The following SLC25A27 variants were observed in gnomAD, a reference collection of about 807,000 sequenced individuals.
SLC25A27 encodes solute carrier family 25 member 27.
Under a neutral mutation model 49.1 loss-of-function variants are expected in SLC25A27, and 35 were observed. The observed-to-expected ratio is 0.71, with a 90% CI of 0.54 to 0.95. The LOEUF is 0.95. Ranked by LOEUF, SLC25A27 falls within the 40% of genes least tolerant of loss-of-function variation. The probability of loss-of-function intolerance (pLI) is 0.00; values close to 1 mark genes in which losing one functional copy is unlikely to be tolerated. For missense variants in SLC25A27, 339 were observed against 397.1 expected (o/e 0.85, Z 1.24); for synonymous variants, 144 against 136.9 (o/e 1.05, Z -0.36).
intron 7 of SLC25A27, chr6:46,670,473 A>G: frequency 2.4e-6 from 1 of 415,882 alleles, no homozygotes; most frequent in Non-Finnish European, 4.2e-6. Context: ...TTGTTTTTAA[A>G]GAATTGTTAA....
intron 1 of SLC25A27, among the ~76,000 whole-genome samples, chr6:46,655,535 G>GGTTTTTTT (rs1562033662): frequency 5.6e-4 from 6 of 10,710 alleles, no homozygotes; most frequent in Admixed American, 1.3e-3. Flanking sequence ...GTTAATGTTT[G>GGTTTTTTT]TTTTTTTTTT....
At chr6:46,664,501 T>A (rs551824553) in intron 4 of SLC25A27, among the ~76,000 whole-genome samples, 18 of 152,224 alleles carry the variant, frequency 1.2e-4, no homozygotes, top group Non-Finnish European at 2.4e-4. Context: ...AAAGGTATTT[T>A]TATCCATTTA....
intron 3 of SLC25A27, 62 bp from the exon 4 acceptor site, chr6:46,662,314 G>T: frequency 6.8e-7 from 1 of 1,469,064 alleles, no homozygotes; most frequent in Non-Finnish European, 9.5e-7. Flanking sequence ...GCTCAGTATT[G>T]GTTCACTATA....
rs1470143422 is a variant in SLC25A27, at chr6:46,667,827, C to G, written c.620-882C>G. Among the ~76,000 whole-genome samples, 3 of 152,138 alleles carry G rather than the reference C, an allele frequency of 2.0e-5. No homozygotes were observed. In the East Asian group the frequency reaches 5.8e-4, roughly 29 times the overall value. ...TCAAGAGCAAGTGCATCTGAAACACCATGTAGTTTACTTTATTGTCTCATC... is the reference window on the plus strand; with the variant it reads ...TCAAGAGCAAGTGCATCTGAAACACGATGTAGTTTACTTTATTGTCTCATC... On this transcript the variant is annotated intron_variant, in intron 5 of 8. Transcript: ENST00000371347.
In SLC25A27 at chr6:46,676,726, T is replaced by C. The variant is rs1365159120; in HGVS notation, c.*272T>C. 6.5e-7 allele frequency: 1 copy of C among 1,534,460 alleles called. No individual in the cohort carries two copies. Among genetic ancestry groups the C allele is most frequent in the South Asian group, 1.2e-5 (1 of 83,698 alleles). Reference sequence around the variant, plus strand: ...AAAGAAGAATCGAAGCCTGACCACTTTCACCTTGGGCAAGAAGGTTTGGCC... The same window carrying C: ...AAAGAAGAATCGAAGCCTGACCACTCTCACCTTGGGCAAGAAGGTTTGGCC... On this transcript the variant is annotated 3_prime_UTR_variant, in exon 9 of 9. Transcript: ENST00000371347.
intron 6 of SLC25A27, among the ~76,000 whole-genome samples, chr6:46,669,478 G>T (rs185642976): frequency 6.6e-6 from 1 of 152,052 alleles, no homozygotes; most frequent in African/African-American, 2.4e-5. Flanking sequence ...GCTTCTGATC[G>T]TTTCCAAATT....
chr6:46,674,320 T>C (rs1763678361), intron 8 of SLC25A27, among the ~76,000 whole-genome samples: 1 of 152,124 alleles, frequency 6.6e-6, no homozygotes, highest in Non-Finnish European at 1.5e-5. Flanking sequence ...GCTCAGAGTA[T>C]AAGAAGCTTG....
intron 1 of SLC25A27, 93 bp from the exon 2 acceptor site, chr6:46,655,750 C>T (rs1487429634): frequency 1.9e-6 from 2 of 1,048,490 alleles, no homozygotes; most frequent in African/African-American, 1.6e-5. Context: ...TTGAGAACAA[C>T]CAGTCTTGGG....
chr6:46,674,480 C>T (rs1229995711), intron 8 of SLC25A27, among the ~76,000 whole-genome samples: 3 of 152,124 alleles, frequency 2.0e-5, no homozygotes, highest in African/African-American at 7.2e-5. Context: ...AAGAGACATT[C>T]CTAGCAGTGG....
At position 46,653,081 on chromosome 6, in the gene SLC25A27, AC is replaced by A; in HGVS notation, c.-109del. 1 of 1,001,976 alleles carries A rather than the reference AC, an allele frequency of 1.0e-6. No individual in the cohort carries two copies. The highest frequency in any genetic ancestry group is 1.5e-6 in the Non-Finnish European group (1 of 659,812). 62.1% of individuals were successfully genotyped at this position (1,001,976 alleles called of 1,614,324 possible). ...GAGCCGAACGAGGGAAATGGTCCTCACCCGGCCACTCGCCGGTTGAAAAGGG... is the reference window on the plus strand; with the variant it reads ...GAGCCGAACGAGGGAAATGGTCCTCACCGGCCACTCGCCGGTTGAAAAGGG... On this transcript the variant is annotated 5_prime_UTR_variant, in exon 1 of 9. The change abolishes the stop of an existing upstream ORF in the 5' untranslated region. Coordinates refer to ENST00000371347, the MANE Select transcript of SLC25A27 (RefSeq NM_004277.5).
Position 46,654,131 on chromosome 6 carries a change from G to T in SLC25A27, c.106+833G>T, listed in dbSNP as rs144626027. On this transcript the variant is annotated intron_variant, in intron 1 of 8. Coordinates refer to ENST00000371347, the MANE Select transcript of SLC25A27 (RefSeq NM_004277.5). ...AATGAGCAAGTAGCGTTTATTCCAA[G>T]GATTTTGTGAGTAGTATACTCATGT... 3.0e-6 allele frequency: 3 copies of T among 985,248 alleles called. No homozygotes were observed. The East Asian group carries it at 3.4e-4, about 112-fold the overall frequency. 61.0% of individuals were successfully genotyped at this position (985,248 alleles called of 1,614,324 possible). A position where few individuals can be genotyped will look rare whatever the true frequency, so the allele number is the denominator to read the frequency against.
chr6:46,673,841 C>G (rs910687900), intron 8 of SLC25A27, among the ~76,000 whole-genome samples: 1 of 152,024 alleles, frequency 6.6e-6, no homozygotes, highest in African/African-American at 2.4e-5. Context: ...CTTTGGAAGT[C>G]GTATAGTAGA....
intron 8 of SLC25A27, 137 bp downstream of exon 8, chr6:46,671,365 ATCT>A (rs765546846): frequency 2.1e-5 from 10 of 484,536 alleles, no homozygotes; most frequent in Admixed American, 8.7e-5. Flanking sequence ...TCTTTTTTAA[ATCT>A]TCTTTTATTT....
At chr6:46,658,812 C>A in intron 2 of SLC25A27, 150 bp from the exon 3 acceptor site, 1 of 659,600 alleles carries the variant, frequency 1.5e-6, no homozygotes. Flanking sequence ...CATCAAGAAG[C>A]CCACGTGTTA....
chr6:46,657,460 T>C (rs1763023213), intron 2 of SLC25A27, among the ~76,000 whole-genome samples: 1 of 151,894 alleles, frequency 6.6e-6, no homozygotes, highest in South Asian at 2.1e-4. Context: ...CGAAACTCTG[T>C]CTCAAAAAAA....
rs773680687 is a variant in SLC25A27, at chr6:46,653,203, C to G, written c.11C>G (p.Pro4Arg). MSV[P>R]EEEERLLPLT... ...TTGCGCTACTGCTGAATGTCCGTCCCGGAGGAGGAGGAGAGGCTTTTGCCG... is the reference window on the plus strand; with the variant it reads ...TTGCGCTACTGCTGAATGTCCGTCCGGGAGGAGGAGGAGAGGCTTTTGCCG... Residue 4 changes from proline to arginine, a missense_variant, in exon 1 of 9, where the codon CCG becomes CGG. Pro to Arg is a moderately radical substitution (Grantham distance 103, BLOSUM62 -2). Coordinates refer to ENST00000371347, the MANE Select transcript of SLC25A27 (RefSeq NM_004277.5). 1.9e-6 allele frequency: 3 copies of G among 1,613,196 alleles called. No homozygotes were observed. The highest frequency in any genetic ancestry group is 1.7e-6 in the Non-Finnish European group (2 of 1,179,542).
At chr6:46,672,822 G>A (rs778784782) in intron 8 of SLC25A27, among the ~76,000 whole-genome samples, 1 of 152,184 alleles carries the variant, frequency 6.6e-6, no homozygotes, top group Non-Finnish European at 1.5e-5. Flanking sequence ...TGGAGGTTTA[G>A]ATTTGAGCAT....
At chr6:46,658,907 A>G in intron 2 of SLC25A27, 55 bp from the exon 3 acceptor site, 1 of 1,141,698 alleles carries the variant, frequency 8.8e-7, no homozygotes, top group East Asian at 2.3e-5. Flanking sequence ...ATACATACAT[A>G]AGCATATAGA....
chr6:46,676,889 A>AT lies in SLC25A27; in HGVS notation c.*436dup, dbSNP rs1273313362. The AT allele has an allele frequency of 3.6e-6, 2 of 551,178 alleles. No homozygotes were observed. The highest frequency in any genetic ancestry group is 2.8e-5 in the East Asian group (1 of 35,300). The allele number at this position is 551,178 out of a possible 1,614,324, so 34.1% of individuals were successfully genotyped here. On this transcript the variant is annotated 3_prime_UTR_variant, in exon 9 of 9. Transcript: ENST00000371347. ...GCTTAAGAAATACATTTAACCTGTT[A>AT]TGTCAGTATTTATCAATGAAGTTTG...
Sources: gnomAD v4.1 joint callset for allele counts (sites outside exome capture counted in the v4.1 genomes callset) on GRCh38, gnomAD v4.1.1 for gene constraint, MANE v1.5 for transcripts, NCBI Gene and HGNC (gene_info 2026-07-23, HGNC 2026-07-21) for gene names.